RPS4X: variants seen among roughly 807,000 people sequenced by gnomAD.
RPS4X encodes the protein small ribosomal subunit protein eS4, X isoform.
For missense variants in RPS4X, 90 were observed against 219.1 expected, an observed-to-expected ratio of 0.41 and a Z score of 3.72; for synonymous variants, 76 against 76.8, an observed-to-expected ratio of 0.99 and a Z score of 0.06.
chrX:72,274,877 T>C (rs1231820683), intron 4 of RPS4X, 176 bp downstream of exon 4: 4 of 407,952 alleles, frequency 9.8e-6, no homozygotes, highest in South Asian at 1.0e-4. Context: ...TTTAATAACA[T>C]GACAAAAAGT....
rs1428961550 is a variant in RPS4X, at chrX:72,272,078, C to G, written c.*593G>C. The G allele has an allele frequency of 8.9e-6, 1 of 112,615 alleles. No homozygotes were observed. Among genetic ancestry groups the G allele is most frequent in the Admixed American group, 9.4e-5 (1 of 10,619 alleles). 9.3% of individuals were successfully genotyped at this position (112,615 alleles called of 1,213,427 possible). On this transcript the variant is annotated 3_prime_UTR_variant, in exon 7 of 7. Transcript: ENST00000316084. ...AAGAACAAGTTTATGTTCTACATCT[C>G]TGTCCTCTGAAAAACAGAGTTGAGG...
In RPS4X at chrX:72,272,484, A is replaced by G. The variant is rs113969908; in HGVS notation, c.*187T>C. ...TGGTATCTTCTACTTCCCACCACTA[A>G]CTAAGCCCAGCCAATAACAGACTGC... On this transcript the variant is annotated 3_prime_UTR_variant, in exon 7 of 7. Transcript: ENST00000316084. 0.03 allele frequency: 11,296 copies of G among 375,990 alleles called. 751 individuals carry two copies. Among genetic ancestry groups the G allele is most frequent in the African/African-American group, 0.22 (8,433 of 37,883 alleles). The allele number at this position is 375,990 out of a possible 1,213,427, so 31.0% of individuals were successfully genotyped here. A position where few individuals can be genotyped will look rare whatever the true frequency, so the allele number is the denominator to read the frequency against.
At chrX:72,273,171 C>A in intron 6 of RPS4X, 61 bp downstream of exon 6, 1 of 1,091,117 alleles carries the variant, frequency 9.2e-7, no homozygotes, top group Admixed American at 2.5e-5. Context: ...TGCTACAATC[C>A]CAGCAGCCAC....
Position 72,272,835 on chromosome X carries a change from T to G in RPS4X, c.691-63A>C, listed in dbSNP as rs1248788425. 3 of 779,079 alleles carry G rather than the reference T, an allele frequency of 3.9e-6. No homozygotes were observed. The African/African-American group carries it at 6.2e-5, about 16-fold the overall frequency. 64.2% of individuals were successfully genotyped at this position (779,079 alleles called of 1,213,427 possible). A position where few individuals can be genotyped will look rare whatever the true frequency, so the allele number is the denominator to read the frequency against. Reference sequence around the variant, plus strand: ...CACCAACTCATAGTGGCTTGGCACATGCTACATTTGTCACCTCACTTAACA... The same window carrying G: ...CACCAACTCATAGTGGCTTGGCACAGGCTACATTTGTCACCTCACTTAACA... On this transcript the variant is annotated intron_variant, in intron 6 of 6. Coordinates refer to ENST00000316084, the MANE Select transcript of RPS4X (RefSeq NM_001007.5).
chrX:72,274,563 T>C (rs1379584616), intron 4 of RPS4X: 2 of 299,735 alleles, frequency 6.7e-6, no homozygotes, highest in Admixed American at 7.9e-5. Context: ...AATCAAAGAC[T>C]GTAATCTTTT....
At position 72,275,080 on chromosome X, in the gene RPS4X, T is replaced by C. The variant is rs766809452; in HGVS notation, c.333A>G (p.Val111=). 3 of 1,206,192 alleles carry C rather than the reference T, an allele frequency of 2.5e-6. No homozygotes were observed. In the Admixed American group the frequency reaches 6.6e-5, roughly 26 times the overall value. The part of the protein sequence containing the change: ...LIYDTKGRFA[V]HRITPEEAKY... Reference sequence around the variant, plus strand: ...TGGCCTCCTCAGGTGTAATACGATGTACAGCAAAGCGACCCTTGGTGTCAT... The same window carrying C: ...TGGCCTCCTCAGGTGTAATACGATGCACAGCAAAGCGACCCTTGGTGTCAT... The change falls in exon 4 of 7, where the codon GTA becomes GTG. Residue 111 remains valine (V), a synonymous_variant. Coordinates refer to ENST00000316084, the MANE Select transcript of RPS4X (RefSeq NM_001007.5).
chrX:72,273,668 A>G (rs2043189936), intron 5 of RPS4X, 133 bp downstream of exon 5: 1 of 546,446 alleles, frequency 1.8e-6, no homozygotes, highest in Non-Finnish European at 3.0e-6. Flanking sequence ...TATTCTGAGC[A>G]TTTGTGCCTC....
At chrX:72,277,074 C>G in intron 1 of RPS4X, 119 bp downstream of exon 1, 1 of 885,958 alleles carries the variant, frequency 1.1e-6, no homozygotes, top group Non-Finnish European at 1.6e-6. Flanking sequence ...CCACGGAGGC[C>G]GTGATCCCTT....
At chrX:72,276,851 C>T (rs2043206715) in intron 1 of RPS4X, among the ~76,000 whole-genome samples, 1 of 112,799 alleles carries the variant, frequency 8.9e-6, no homozygotes, top group Non-Finnish European at 1.9e-5. Flanking sequence ...AACCTTTCTC[C>T]GCCGGGCACC....
chrX:72,277,102 C>T (rs1007571222), intron 1 of RPS4X, 91 bp downstream of exon 1: 12 of 1,080,410 alleles, frequency 1.1e-5, no homozygotes, highest in Non-Finnish European at 1.3e-5. Flanking sequence ...GCCCGGCCAT[C>T]CCCAGTAGGA....
chrX:72,274,183 C>A, intron 4 of RPS4X: 1 of 421,937 alleles, frequency 2.4e-6, no homozygotes, highest in African/African-American at 2.5e-5. Context: ...AAATGCCACT[C>A]CAGTTTCCCA....
rs1157032450 is a variant in RPS4X at position 72,274,209 on chromosome X, A to C, written c.361-237T>G. 4 of 401,979 alleles carry C rather than the reference A, an allele frequency of 1.0e-5. No homozygotes were observed. In the East Asian group the frequency reaches 1.8e-4, roughly 18 times the overall value. The allele number at this position is 401,979 out of a possible 1,213,427, so 33.1% of individuals were successfully genotyped here. On this transcript the variant is annotated intron_variant, in intron 4 of 6. Coordinates refer to ENST00000316084, the MANE Select transcript of RPS4X (RefSeq NM_001007.5). ...CAGTTTCCCAGGCTCTTTAAGCCTT[A>C]TGGGGCCCTGGGAATTCTTCCCTTC...
chrX:72,275,354 C>T (rs766154362), intron 3 of RPS4X, among the ~76,000 whole-genome samples, 190 bp downstream of exon 3: 5 of 111,617 alleles, frequency 4.5e-5, no homozygotes, highest in African/African-American at 6.5e-5. Context: ...AAAAGTGAAT[C>T]GAAATTTAGT....
In RPS4X at chrX:72,275,583, T is replaced by C; in HGVS notation, c.223A>G (p.Lys75Glu). 1 of 1,210,990 alleles carries C rather than the reference T, an allele frequency of 8.3e-7. No homozygotes were observed. The highest frequency in any genetic ancestry group is 1.1e-6 in the Non-Finnish European group (1 of 895,055). ...CMQRFIKIDG[K>E]VRTDITYPAG... Reference sequence around the variant, plus strand: ...GGGTAGGTTATATCAGTTCGGACCTTGCCATCGATTTTAATGAACCGCTGC... The same window carrying C: ...GGGTAGGTTATATCAGTTCGGACCTCGCCATCGATTTTAATGAACCGCTGC... The change falls in exon 3 of 7, where the codon AAG (lysine) becomes GAG (glutamate). Residue 75 changes from lysine to glutamate, a missense_variant. By Grantham distance (56) the Lys-to-Glu change is moderately conservative. Coordinates refer to ENST00000316084, the MANE Select transcript of RPS4X (RefSeq NM_001007.5).
Position 72,273,281 on chromosome X carries a change from T to C in RPS4X, c.641A>G (p.Asn214Ser). The change falls in exon 6 of 7, where the codon AAT becomes AGT. Residue 214 changes from asparagine to serine, a missense_variant. By Grantham distance (46) the Asn-to-Ser change is conservative (BLOSUM62 1). Transcript: ENST00000316084. ...SFDVVHVKDA[N>S]GNSFATRLSN... ...AAGTCGAGTGGCAAAGCTGTTGCCA[T>C]TGGCATCTTTCACGTGAACCACGTC... The C allele has an allele frequency of 1.7e-6, 2 of 1,210,871 alleles. No individual in the cohort carries two copies. The highest frequency in any genetic ancestry group is 2.2e-6 in the Non-Finnish European group (2 of 894,932).
rs2043192047 is a variant in RPS4X, at chrX:72,274,104, A to T, written c.361-132T>A. On this transcript the variant is annotated intron_variant, in intron 4 of 6. Coordinates refer to ENST00000316084, the MANE Select transcript of RPS4X (RefSeq NM_001007.5). ...GATCGTTCTTTCCACCCTCAAGTGT[A>T]TGTTGCATAAAGCCCTTCTCTAGGC... 3 of 568,423 alleles carry T rather than the reference A, an allele frequency of 5.3e-6. No homozygotes were observed. The East Asian group carries it at 1.1e-4, about 21-fold the overall frequency. The allele number at this position is 568,423 out of a possible 1,213,427, so 46.8% of individuals were successfully genotyped here.
chrX:72,274,195 G>T, intron 4 of RPS4X: 1 of 412,997 alleles, frequency 2.4e-6, no homozygotes. Flanking sequence ...AGTTTCCCAG[G>T]CTCTTTAAGC....
intron 4 of RPS4X, chrX:72,274,524 TA>T: frequency 3.1e-6 from 1 of 327,767 alleles, no homozygotes. Flanking sequence ...AACTTTTGTG[TA>T]AAACCATCAA....
rs967117851 is a variant in RPS4X, at chrX:72,273,898, G to A, written c.435C>T (p.Arg145=). The A allele has an allele frequency of 1.7e-6, 2 of 1,205,956 alleles. No homozygotes were observed. The highest frequency in any genetic ancestry group is 2.2e-6 in the Non-Finnish European group (2 of 892,380). The part of the protein sequence containing the change: ...GIPHLVTHDA[R]TIRYPDPLIK... ...TGAGGGGATCGGGGTAGCGGATGGTGCGGGCATCATGAGTCACCAGATGAG... is the reference window on the plus strand; with the variant it reads ...TGAGGGGATCGGGGTAGCGGATGGTACGGGCATCATGAGTCACCAGATGAG... The change falls in exon 5 of 7, where the codon CGC becomes CGT. Residue 145 remains arginine (R), a synonymous_variant. Coordinates refer to ENST00000316084, the MANE Select transcript of RPS4X (RefSeq NM_001007.5).
Sources: allele counts gnomAD v4.1 joint callset (sites outside exome capture counted in the v4.1 genomes callset), GRCh38; gene constraint gnomAD v4.1.1; transcripts MANE v1.5; gene names NCBI Gene and HGNC (gene_info 2026-07-23, HGNC 2026-07-21).